The following NEB variants were observed in gnomAD, a reference collection of about 807,000 sequenced individuals.
The protein encoded by NEB is nemaline myopathy type 2.
A neutral mutation model predicts 952.2 loss-of-function variants in NEB; 512 were observed. That is an observed-to-expected ratio of 0.54 (90% CI 0.50 to 0.58). The LOEUF (loss-of-function observed/expected upper bound fraction) is 0.58, where lower values mean the gene tolerates loss of function less well. NEB is among the 20% of genes least tolerant of loss of function. The probability of loss-of-function intolerance (pLI) is 0.00; values close to 1 mark genes in which losing one functional copy is unlikely to be tolerated. For synonymous variants in NEB, 2,900 were observed against 3,149.8 expected (o/e 0.92, Z 2.66); for missense variants, 8,428 against 9,231.1 (o/e 0.91, Z 3.56).
At chr2:151,729,088 C>T (rs549001664) in intron 4 of NEB, among the ~76,000 whole-genome samples, 3 of 151,994 alleles carry the variant, frequency 2.0e-5, no homozygotes, top group South Asian at 2.1e-4. Flanking sequence ...AGAGCTTGAA[C>T]GTGGAATATT....
chr2:151,700,214 T>C (rs1228254839), intron 13 of NEB, among the ~76,000 whole-genome samples: 3 of 41,950 alleles, frequency 7.2e-5, no homozygotes, highest in South Asian at 8.8e-4. Flanking sequence ...TTCTGTTCCA[T>C]TGATCTATAT....
At chr2:151,546,504 A>C (rs924003664) in intron 133 of NEB, 61 bp from the exon 134 acceptor site, 10 of 1,019,816 alleles carry the variant, frequency 9.8e-6, no homozygotes, top group Non-Finnish European at 1.2e-5. Flanking sequence ...GAAACACAAA[A>C]GATGGAGTAG....
chr2:151,678,548 G>A (rs1233707195), intron 32 of NEB, among the ~76,000 whole-genome samples: 1 of 152,206 alleles, frequency 6.6e-6, no homozygotes, highest in Non-Finnish European at 1.5e-5. Context: ...ATTACATTGT[G>A]CTACTAGAGT....
intron 3 of NEB, among the ~76,000 whole-genome samples, chr2:151,731,521 C>A (rs2099808717): frequency 6.6e-6 from 1 of 152,176 alleles, no homozygotes. Flanking sequence ...CCCTCTTATG[C>A]TCATGATCTT....
At chr2:151,687,805 T>A (rs1424840420) in intron 25 of NEB, 72 bp from the exon 26 acceptor site, 1 of 1,357,450 alleles carries the variant, frequency 7.4e-7, no homozygotes, top group Admixed American at 2.0e-5. Context: ...AAAAACATAT[T>A]GAAAATTTGT....
In NEB at chr2:151,669,042, G is replaced by C; in HGVS notation, c.4596C>G (p.Ala1532=). The C allele has an allele frequency of 6.3e-7, 1 of 1,592,358 alleles. No homozygotes were observed. The highest frequency in any genetic ancestry group is 8.6e-7 in the Non-Finnish European group (1 of 1,167,436). ...AAATACTCACATCACTCATGTTGAG[G>C]GCGTTGACTTTGGCTTGAATAAACT... ...LPQFIQAKVN[A]LNMSDAHYKA... The change falls in exon 39 of 182, where the codon GCC becomes GCG. Residue 1532 remains alanine, a synonymous_variant. Coordinates refer to ENST00000397345, the MANE Select transcript of NEB (RefSeq NM_001164508.2).
chr2:151,537,156 T>G lies in NEB; in HGVS notation c.21183A>C (p.Glu7061Asp). The G allele has an allele frequency of 1.2e-6, 2 of 1,612,808 alleles. No homozygotes were observed. Among genetic ancestry groups the G allele is most frequent in the South Asian group, 2.2e-5 (2 of 91,024 alleles). ...CCTTGCTGTAGAGAGTCTTGTTCTT[T>G]TCAGCCAGAGTGAAATCAGGGGTAT... The part of the protein sequence containing the change: ...AYDTPDFTLA[E>D]KNKTLYSKYK... The change falls in exon 141 of 182, where the codon GAA becomes GAC. Residue 7061 changes from glutamate (E) to aspartate (D), a missense_variant. Coordinates refer to ENST00000397345, the MANE Select transcript of NEB (RefSeq NM_001164508.2).
At chr2:151,640,790 T>C (rs1224161566) in intron 60 of NEB, 124 bp from the exon 61 acceptor site, 8 of 851,188 alleles carry the variant, frequency 9.4e-6, no homozygotes, top group South Asian at 2.1e-5. Context: ...ATATGATAGA[T>C]GTAGAAACAA....
intron 144 of NEB, among the ~76,000 whole-genome samples, chr2:151,531,308 CTTTTTTTTTT>C (rs1159075000): frequency 9.5e-5 from 8 of 84,030 alleles, no homozygotes; most frequent in African/African-American, 3.1e-4. Context: ...TTTTTTCTTT[CTTTTTTTTTT>C]TTTTTTTTTT....
chr2:151,722,752 CT>C (rs1462605452), intron 9 of NEB, among the ~76,000 whole-genome samples: 1 of 152,112 alleles, frequency 6.6e-6, no homozygotes, highest in Admixed American at 6.6e-5. Flanking sequence ...TCTTGCTTTA[CT>C]GCCCAGGCTG....
In NEB at chr2:151,663,616, T is replaced by C. The variant is rs1211838679; in HGVS notation, c.5695A>G (p.Thr1899Ala). Residue 1899 changes from threonine to alanine, a missense_variant, in exon 45 of 182, where the codon ACC becomes GCC. Physicochemically the swap from Thr to Ala is moderately conservative, Grantham distance 58 (BLOSUM62 0). Coordinates refer to ENST00000397345, the MANE Select transcript of NEB (RefSeq NM_001164508.2). Reference protein sequence around the residue: ...TNANYRNVIHTYNMLPDAMSF... With the variant: ...TNANYRNVIHAYNMLPDAMSF... The stretch of plus-strand genomic sequence containing the variant: ...ATGGCATCAGGAAGCATGTTGTAGG[T>C]ATGGATCACGTTCCTGTAGTTGGCA... 1 of 1,613,786 alleles carries C rather than the reference T, an allele frequency of 6.2e-7. No individual in the cohort carries two copies. The highest frequency in any genetic ancestry group is 2.2e-5 in the East Asian group (1 of 44,868).
chr2:151,497,231 G>A (rs2060816216), intron 171 of NEB, 198 bp from the exon 172 acceptor site: 50 of 805,342 alleles, frequency 6.2e-5, no homozygotes, highest in Non-Finnish European at 7.5e-5. Context: ...ACCCTCTAGA[G>A]AAGCAGGGAC....
chr2:151,499,043 T>C (rs10497083), intron 169 of NEB, among the ~76,000 whole-genome samples: 1,993 of 152,330 alleles, frequency 0.013, 12 homozygotes, highest in Middle Eastern at 0.041. Context: ...TAAATGTGGA[T>C]GCTTAGACAC....
intron 3 of NEB, among the ~76,000 whole-genome samples, chr2:151,732,096 A>G (rs2099810571): frequency 6.6e-6 from 1 of 152,142 alleles, no homozygotes; most frequent in Non-Finnish European, 1.5e-5. Context: ...GCCACCTAAA[A>G]TTTGGTTCTG....
chr2:151,548,350 A>G lies in NEB; in HGVS notation c.20115T>C (p.Val6705=). 1 of 1,613,794 alleles carries G rather than the reference A, an allele frequency of 6.2e-7. No individual in the cohort carries two copies. The highest frequency in any genetic ancestry group is 8.5e-7 in the Non-Finnish European group (1 of 1,179,748). The change falls in exon 131 of 182, where the codon GTT becomes GTC. Residue 6705 remains valine (V), a synonymous_variant. Transcript: ENST00000397345. ...AYGYTLGPKD[V]PFVHVRRVNN... is the part of the protein sequence containing the mutation. ...TGACTCTCCGGACGTGGACAAATGG[A>G]ACATCTTTGGGGCCAAGTGTATACC...
intron 161 of NEB, 65 bp downstream of exon 161, chr2:151,512,668 A>G (rs2153270200): frequency 8.8e-7 from 1 of 1,142,260 alleles, no homozygotes; most frequent in East Asian, 2.4e-5. Flanking sequence ...GGTATTTATT[A>G]ATGGAAGGAC....
At chr2:151,562,046 C>T in intron 121 of NEB, 64 bp downstream of exon 121, 3 of 1,314,650 alleles carry the variant, frequency 2.3e-6, no homozygotes, top group Non-Finnish European at 3.3e-6. Context: ...CCCATCAGCC[C>T]ACTGACACCA....
Position 151,553,398 on chromosome 2 carries a change from A to G in NEB, c.19731T>C (p.Asp6577=), listed in dbSNP as rs377726497. 8.1e-6 allele frequency: 13 copies of G among 1,607,482 alleles called. No homozygotes were observed. The highest frequency in any genetic ancestry group is 6.7e-5 in the East Asian group (3 of 44,842). Residue 6577 remains aspartate (D), a splice_region_variant and synonymous_variant, in exon 127 of 182, where the codon GAT becomes GAC. Coordinates refer to ENST00000397345, the MANE Select transcript of NEB (RefSeq NM_001164508.2). ...HAKHAYDLRD[D]IKYKAHMLKT... ...AAAGAACAAAACAAGGCAAACTCAC[A>G]TCATCACGTAGATCATAAGCATGCT...
In NEB at chr2:151,485,683, A is replaced by T. The variant is rs941040073; in HGVS notation, c.*77T>A. The T allele has an allele frequency of 4.4e-6, 6 of 1,370,256 alleles. No individual in the cohort carries two copies. The African/African-American group carries it at 8.7e-5, about 20-fold the overall frequency. The allele number at this position is 1,370,256 out of a possible 1,614,324, so 84.9% of individuals were successfully genotyped here. On this transcript the variant is annotated 3_prime_UTR_variant, in exon 182 of 182. Transcript: ENST00000397345. The stretch of plus-strand genomic sequence containing the variant: ...CCATAGGCAGCTTGAGAACTTAGGT[A>T]ACAGTGGAGAGTCTAAACCGAAACA...
Sources: allele counts gnomAD v4.1 joint callset (sites outside exome capture counted in the v4.1 genomes callset), GRCh38; gene constraint gnomAD v4.1.1; transcripts MANE v1.5; gene names NCBI Gene and HGNC (gene_info 2026-07-23, HGNC 2026-07-21).